The following MEI4 variants were observed in gnomAD, a reference collection of about 807,000 sequenced individuals.
MEI4 encodes meiosis-specific protein MEI4.
A neutral mutation model predicts 31.4 loss-of-function variants in MEI4; 27 were observed. The ratio of observed to expected loss-of-function variants is 0.86; its 90% CI spans 0.63 to 1.19. The LOEUF (loss-of-function observed/expected upper bound fraction) is 1.19. Ranked by LOEUF, MEI4 falls within the 50% of genes most tolerant of loss-of-function variation. The pLI is 0.00. For missense variants in MEI4, 329 were observed against 398.9 expected (o/e 0.82, Z 1.49); for synonymous variants, 122 against 145.4 (o/e 0.84, Z 1.16).
At chr6:77,881,293 C>T (rs1771483124) in intron 4 of MEI4, among the ~76,000 whole-genome samples, 1 of 152,158 alleles carries the variant, frequency 6.6e-6, no homozygotes, top group African/African-American at 2.4e-5. Context: ...TATTCCATCA[C>T]TTTAATCTTC....
intron 3 of MEI4, among the ~76,000 whole-genome samples, chr6:77,813,908 T>C (rs938145758): frequency 2.0e-5 from 3 of 152,132 alleles, no homozygotes; most frequent in African/African-American, 7.2e-5. Context: ...TGTACATCAA[T>C]GATGATTTTC....
rs55947073 is a variant in MEI4, at chr6:77,883,745, A to ATATATATATATATATATATATATATAT, written c.901-39344_901-39343insTATATATATATATATATATATATATAT. Among the ~76,000 whole-genome samples the ATATATATATATATATATATATATATAT allele has an allele frequency of 4.3e-4, 35 of 82,296 alleles. 1 individual carries two copies. Among genetic ancestry groups the ATATATATATATATATATATATATATAT allele is most frequent in the South Asian group, 7.3e-4 (2 of 2,746 alleles). 54.0% of individuals were successfully genotyped at this position (82,296 alleles called of 152,430 possible). A position where few individuals can be genotyped will look rare whatever the true frequency, so the allele number is the denominator to read the frequency against. ...ATATATATATATATATATATATATA[A>ATATATATATATATATATATATATATAT]CTTTGTCTTTGTCTATTCATTTATT... On this transcript the variant is annotated intron_variant, in intron 4 of 4. Transcript: ENST00000684080.
chr6:77,771,709 C>G (rs1768323978), intron 3 of MEI4, among the ~76,000 whole-genome samples: 1 of 152,134 alleles, frequency 6.6e-6, no homozygotes, highest in Non-Finnish European at 1.5e-5. Flanking sequence ...ATTACATGTT[C>G]TCACTTATAA....
At position 77,925,186 on chromosome 6, in the gene MEI4, A is replaced by G. The variant is rs1766815306; in HGVS notation, c.*1840A>G. Reference sequence around the variant, plus strand: ...TCAGCTAAGAGACTTTTGGAGCTACAACAAATTTATTAATTTCAGTGGTCT... The same window carrying G: ...TCAGCTAAGAGACTTTTGGAGCTACGACAAATTTATTAATTTCAGTGGTCT... On this transcript the variant is annotated 3_prime_UTR_variant, in exon 5 of 5. Coordinates refer to ENST00000684080, the MANE Select transcript of MEI4 (RefSeq NM_001322247.2). The G allele has an allele frequency of 6.6e-6, 1 of 151,904 alleles. No homozygotes were observed. Among genetic ancestry groups the G allele is most frequent in the South Asian group, 2.1e-4 (1 of 4,828 alleles). The allele number at this position is 151,904 out of a possible 1,614,324, so 9.4% of individuals were successfully genotyped here. A position where few individuals can be genotyped will look rare whatever the true frequency, so the allele number is the denominator to read the frequency against.
intron 4 of MEI4, among the ~76,000 whole-genome samples, chr6:77,866,679 C>T (rs1198670442): frequency 1.3e-5 from 2 of 152,134 alleles, no homozygotes; most frequent in African/African-American, 4.8e-5. Context: ...TCAGTGCCAT[C>T]CCCATCAAGC....
intron 3 of MEI4, among the ~76,000 whole-genome samples, chr6:77,805,494 C>G (rs1030548968): frequency 6.6e-6 from 1 of 152,094 alleles, no homozygotes; most frequent in Non-Finnish European, 1.5e-5. Context: ...TGCTCAAGGT[C>G]TAAAAAGAAT....
intron 2 of MEI4, among the ~76,000 whole-genome samples, chr6:77,732,413 G>T (rs968235534): frequency 6.6e-6 from 1 of 152,020 alleles, no homozygotes; most frequent in Non-Finnish European, 1.5e-5. Flanking sequence ...GTTCACTCAT[G>T]ATTTGGCTCT....
intron 3 of MEI4, among the ~76,000 whole-genome samples, chr6:77,797,460 G>A (rs1769109871): frequency 6.6e-6 from 1 of 152,068 alleles, no homozygotes; most frequent in African/African-American, 2.4e-5. Flanking sequence ...CGATCATAAG[G>A]CAAAGTCCCA....
At chr6:77,883,643 T>C (rs1181285756) in intron 4 of MEI4, among the ~76,000 whole-genome samples, 1 of 148,782 alleles carries the variant, frequency 6.7e-6, no homozygotes, top group African/African-American at 2.5e-5. Context: ...ATTTTATTCT[T>C]TTTTATGGCA....
At chr6:77,681,212 C>A (rs1768951471) in intron 1 of MEI4, among the ~76,000 whole-genome samples, 1 of 152,110 alleles carries the variant, frequency 6.6e-6, no homozygotes, top group African/African-American at 2.4e-5. Flanking sequence ...TGGATTCATC[C>A]TATGTTCATT....
At chr6:77,754,017 C>T (rs890815877) in intron 2 of MEI4, among the ~76,000 whole-genome samples, 11 of 151,962 alleles carry the variant, frequency 7.2e-5, no homozygotes, top group Admixed American at 2.0e-4. Context: ...AACCAAACAC[C>T]GCATGTCTCA....
At chr6:77,665,016 T>C (rs1768595205) in intron 1 of MEI4, among the ~76,000 whole-genome samples, 1 of 150,166 alleles carries the variant, frequency 6.7e-6, no homozygotes, top group African/African-American at 2.5e-5. Context: ...AGGTTGCCTG[T>C]AGTGAAGGAA....
intron 2 of MEI4, among the ~76,000 whole-genome samples, chr6:77,719,147 A>C (rs1766655971): frequency 7.0e-6 from 1 of 142,410 alleles, no homozygotes; most frequent in Non-Finnish European, 1.5e-5. Context: ...ATTGTGGTAG[A>C]ATTGACCTTG....
At chr6:77,738,482 C>T (rs765848505) in intron 2 of MEI4, among the ~76,000 whole-genome samples, 1 of 151,928 alleles carries the variant, frequency 6.6e-6, no homozygotes, top group East Asian at 1.9e-4. Flanking sequence ...TTTCTTTATC[C>T]AGTCTATCAT....
chr6:77,810,877 A>T (rs1424346130), intron 3 of MEI4, among the ~76,000 whole-genome samples: 1 of 152,126 alleles, frequency 6.6e-6, no homozygotes, highest in Non-Finnish European at 1.5e-5. Flanking sequence ...TCTGTCTCCA[A>T]ATTAATGTGT....
At chr6:77,845,569 G>A (rs547566304) in intron 4 of MEI4, among the ~76,000 whole-genome samples, 1 of 152,198 alleles carries the variant, frequency 6.6e-6, no homozygotes, top group Admixed American at 6.5e-5. Flanking sequence ...CAGCTTCTCA[G>A]TTATTTGTTT....
intron 3 of MEI4, among the ~76,000 whole-genome samples, chr6:77,793,742 T>TTGCATAA (rs2127697164): frequency 6.6e-6 from 1 of 152,256 alleles, no homozygotes; most frequent in African/African-American, 2.4e-5. Flanking sequence ...ACAAATAAGG[T>TTGCATAA]GCTTTATGCA....
At chr6:77,741,867 G>A (rs1767415449) in intron 2 of MEI4, among the ~76,000 whole-genome samples, 1 of 148,622 alleles carries the variant, frequency 6.7e-6, no homozygotes, top group Non-Finnish European at 1.5e-5. Context: ...AGAACATGCG[G>A]TGTTTGGTTT....
chr6:77,714,488 A>G (rs1012154652), intron 2 of MEI4, among the ~76,000 whole-genome samples: 1 of 152,234 alleles, frequency 6.6e-6, no homozygotes, highest in Admixed American at 6.5e-5. Flanking sequence ...ATTTAGTTTC[A>G]AAGATCTAAT....
Sources: gnomAD v4.1 joint callset for allele counts (sites outside exome capture counted in the v4.1 genomes callset) on GRCh38, gnomAD v4.1.1 for gene constraint, MANE v1.5 for transcripts, NCBI Gene and HGNC (gene_info 2026-07-23, HGNC 2026-07-21) for gene names.